Variants in FAM177A1 observed in about 807,000 individuals in gnomAD.
The protein encoded by FAM177A1 is protein FAM177A1.
A neutral mutation model predicts 26.1 loss-of-function variants in FAM177A1; 22 were observed. The ratio of observed to expected loss-of-function variants is 0.84; its 90% CI spans 0.60 to 1.20. The LOEUF (loss-of-function observed/expected upper bound fraction) is 1.20, where lower values mean the gene tolerates loss of function less well. Ranked by LOEUF, FAM177A1 falls within the 50% of genes most tolerant of loss-of-function variation. FAM177A1 has a pLI of 0.00. For synonymous variants in FAM177A1, 95 were observed against 99.3 expected (o/e 0.96, Z 0.26); for missense variants, 296 against 291.1 (o/e 1.02, Z -0.12).
intron 2 of FAM177A1, among the ~76,000 whole-genome samples, chr14:35,069,174 A>T (rs543920565): frequency 1.9e-3 from 284 of 152,160 alleles, no homozygotes; most frequent in African/African-American, 6.2e-3. Flanking sequence ...AATTAAAAAA[A>T]TTTTTTTAAA....
intron 2 of FAM177A1, among the ~76,000 whole-genome samples, chr14:35,065,631 C>T (rs1003016057): frequency 6.6e-6 from 1 of 151,394 alleles, no homozygotes; most frequent in Non-Finnish European, 1.5e-5. Context: ...CTTCCACCAG[C>T]AATAGATGGC....
Position 35,046,302 on chromosome 14 carries a change from G to C in FAM177A1, c.-162G>C, listed in dbSNP as rs1411556884. ...GCAGTTGGCCAGCTCTCGGGGTGCG[G>C]AGCCCGGCGGGCTAGGCGAGGCGCG... On this transcript the variant is annotated 5_prime_UTR_variant, in exon 1 of 5. Coordinates refer to ENST00000280987, the MANE Select transcript of FAM177A1 (RefSeq NM_173607.5). 1.2e-6 allele frequency: 1 copy of C among 803,594 alleles called. No individual in the cohort carries two copies. The highest frequency in any genetic ancestry group is 1.8e-6 in the Non-Finnish European group (1 of 561,226). The allele number at this position is 803,594 out of a possible 1,614,324, so 49.8% of individuals were successfully genotyped here. A position where few individuals can be genotyped will look rare whatever the true frequency, so the allele number is the denominator to read the frequency against.
intron 1 of FAM177A1, among the ~76,000 whole-genome samples, chr14:35,049,397 T>C (rs2044927600): frequency 6.6e-6 from 1 of 152,104 alleles, no homozygotes; most frequent in African/African-American, 2.4e-5. Flanking sequence ...AATAGCCTAG[T>C]TGGGGAAGAT....
At position 35,046,448 on chromosome 14, in the gene FAM177A1, G is replaced by A. The variant is rs1316482498; in HGVS notation, c.-16G>A. ...GACAGCCTGGCTCGGCCAGCGACTG[G>A]GCGGGGAGACCAAGGATGGAAGTGG... On this transcript the variant is annotated 5_prime_UTR_variant, in exon 1 of 5. Coordinates refer to ENST00000280987, the MANE Select transcript of FAM177A1 (RefSeq NM_173607.5). 1.9e-6 allele frequency: 3 copies of A among 1,544,770 alleles called. No individual in the cohort carries two copies. The highest frequency in any genetic ancestry group is 2.6e-6 in the Non-Finnish European group (3 of 1,142,224).
chr14:35,048,708 G>A (rs1198184653), intron 1 of FAM177A1, among the ~76,000 whole-genome samples: 1 of 151,948 alleles, frequency 6.6e-6, no homozygotes, highest in African/African-American at 2.4e-5. Context: ...TGCCCAGGGG[G>A]TTGAGCACAG....
At position 35,082,607 on chromosome 14, in the gene FAM177A1, CAT is replaced by C. The variant is rs1438299760; in HGVS notation, c.*1380_*1381del. The C allele has an allele frequency of 6.6e-6, 1 of 151,912 alleles. No homozygotes were observed. The highest frequency in any genetic ancestry group is 2.4e-5 in the African/African-American group (1 of 41,294). 9.4% of individuals were successfully genotyped at this position (151,912 alleles called of 1,614,324 possible). ...TGTATAGAACCTTTTATCAGTATAA[CAT>C]TGATTTATAATTAAATGTGGGTGAG... On this transcript the variant is annotated 3_prime_UTR_variant, in exon 5 of 5. Coordinates refer to ENST00000280987, the MANE Select transcript of FAM177A1 (RefSeq NM_173607.5).
chr14:35,046,482 G>C lies in FAM177A1; in HGVS notation c.19G>C (p.Ala7Pro). MEVGLP[A>P]ITLFLTSASS... ...ACCAAGGATGGAAGTGGGCTTACCG[G>C]CCATTACCCTCTTTCTCACCAGCGC... is the stretch of plus-strand genomic sequence containing the variant. The change falls in exon 1 of 5, where the codon GCC becomes CCC. Residue 7 changes from alanine (A) to proline (P), a missense_variant. Transcript: ENST00000280987. 6.3e-7 allele frequency: 1 copy of C among 1,596,364 alleles called. No individual in the cohort carries two copies. The highest frequency in any genetic ancestry group is 8.5e-7 in the Non-Finnish European group (1 of 1,172,780).
chr14:35,061,695 A>G (rs1313462706), intron 2 of FAM177A1, among the ~76,000 whole-genome samples: 2 of 150,800 alleles, frequency 1.3e-5, no homozygotes, highest in African/African-American at 4.9e-5. Flanking sequence ...GCACACCAGC[A>G]TGGCACATGT....
chr14:35,056,407 G>A (rs1344565556), intron 2 of FAM177A1, among the ~76,000 whole-genome samples: 1 of 149,100 alleles, frequency 6.7e-6, no homozygotes, highest in Non-Finnish European at 1.5e-5. Flanking sequence ...CCAGGCTAGA[G>A]TGCGGTGGTA....
intron 2 of FAM177A1, among the ~76,000 whole-genome samples, chr14:35,065,355 ATCT>A (rs759788657): frequency 7.4e-6 from 1 of 135,248 alleles, no homozygotes; most frequent in Non-Finnish European, 1.5e-5. Flanking sequence ...TTTCCATTGA[ATCT>A]TTTTTTTTTT....
chr14:35,048,301 C>T (rs2044907182), intron 1 of FAM177A1, among the ~76,000 whole-genome samples: 3 of 152,130 alleles, frequency 2.0e-5, no homozygotes, highest in Admixed American at 2.0e-4. Flanking sequence ...GCAAAGTAAA[C>T]ACACGTGTAC....
intron 2 of FAM177A1, among the ~76,000 whole-genome samples, chr14:35,073,819 C>A (rs2138564694): frequency 6.6e-6 from 1 of 152,252 alleles, no homozygotes; most frequent in East Asian, 1.9e-4. Context: ...GCCTTGAATC[C>A]TGGTGCTTGC....
In FAM177A1 at chr14:35,081,070, C is replaced by T; in HGVS notation, c.553C>T (p.Gln185Ter). Residue 185 changes from glutamine (Q) to a stop codon, truncating the protein, a stop_gained, in exon 5 of 5, where the codon CAA (glutamine) becomes TAA (stop). Coordinates refer to ENST00000280987, the MANE Select transcript of FAM177A1 (RefSeq NM_173607.5). LOFTEE classifies it high-confidence loss of function. Reference protein sequence around the residue: ...ENRMSEEAEKQYQQNKLQTDS... With the variant: ...ENRMSEEAEK ...CAGGATGTCTGAAGAAGCAGAAAAACAATATCAACAGAATAAATTGCAGAC... is the reference window on the plus strand; with the variant it reads ...CAGGATGTCTGAAGAAGCAGAAAAATAATATCAACAGAATAAATTGCAGAC... 6.2e-7 allele frequency: 1 copy of T among 1,612,414 alleles called. No homozygotes were observed. Among genetic ancestry groups the T allele is most frequent in the Non-Finnish European group, 8.5e-7 (1 of 1,179,444 alleles).
At position 35,081,240 on chromosome 14, in the gene FAM177A1, T is replaced by C; in HGVS notation, c.*12T>C. 6.3e-7 allele frequency: 1 copy of C among 1,594,786 alleles called. No homozygotes were observed. The highest frequency in any genetic ancestry group is 1.4e-5 in the African/African-American group (1 of 73,534). ...CTGTCCCACCATAAAATGAAATGAC[T>C]ATCAAGCTTCAAACTCTTAAGTTTT... On this transcript the variant is annotated 3_prime_UTR_variant, in exon 5 of 5. Coordinates refer to ENST00000280987, the MANE Select transcript of FAM177A1 (RefSeq NM_173607.5).
At chr14:35,064,301 C>G (rs2045205835) in intron 2 of FAM177A1, among the ~76,000 whole-genome samples, 1 of 152,072 alleles carries the variant, frequency 6.6e-6, no homozygotes, top group African/African-American at 2.4e-5. Flanking sequence ...GCAGGAGAAT[C>G]CCTTGAACCT....
At position 35,046,376 on chromosome 14, in the gene FAM177A1, C is replaced by T; in HGVS notation, c.-88C>T. ...GCGAGTCCCCTTCTCAGAGACTTGGCTAGGCGCGGCGCGAGGCGGGCGCTG... is the reference window on the plus strand; with the variant it reads ...GCGAGTCCCCTTCTCAGAGACTTGGTTAGGCGCGGCGCGAGGCGGGCGCTG... On this transcript the variant is annotated 5_prime_UTR_variant, in exon 1 of 5. Transcript: ENST00000280987. 4 of 1,350,438 alleles carry T rather than the reference C, an allele frequency of 3.0e-6. No homozygotes were observed. The highest frequency in any genetic ancestry group is 3.9e-6 in the Non-Finnish European group (4 of 1,037,798). The allele number at this position is 1,350,438 out of a possible 1,614,324, so 83.7% of individuals were successfully genotyped here. A position where few individuals can be genotyped will look rare whatever the true frequency, so the allele number is the denominator to read the frequency against.
chr14:35,074,148 T>G (rs947982384), intron 2 of FAM177A1, among the ~76,000 whole-genome samples: 1 of 152,116 alleles, frequency 6.6e-6, no homozygotes, highest in African/African-American at 2.4e-5. Context: ...GGGAGTTTAT[T>G]TATTTATTTT....
chr14:35,046,526 G>T lies in FAM177A1; in HGVS notation c.63G>T (p.Ala21=), dbSNP rs577501612. ...CCAGCGCCAGCAGCCCTGTGGTGGC[G>T]ACGACGATGGACCAGGAGCCAGTGG... ...FLTSASSPVV[A]TTMDQEPVGG... is the part of the protein sequence containing the mutation. The change falls in exon 1 of 5, where the codon GCG becomes GCT. Residue 21 remains alanine, a synonymous_variant. Coordinates refer to ENST00000280987, the MANE Select transcript of FAM177A1 (RefSeq NM_173607.5). 11 of 1,602,916 alleles carry T rather than the reference G, an allele frequency of 6.9e-6. No homozygotes were observed. The African/African-American group carries it at 1.3e-4, about 20-fold the overall frequency.
chr14:35,046,922 C>G (rs2044876926), intron 1 of FAM177A1: 7 of 1,198,090 alleles, frequency 5.8e-6, no homozygotes, highest in Non-Finnish European at 5.2e-6. Context: ...GGCGTGTCCC[C>G]CAAAGGCTGT....
Sources: allele counts gnomAD v4.1 joint callset (sites outside exome capture counted in the v4.1 genomes callset), GRCh38; gene constraint gnomAD v4.1.1; transcripts MANE v1.5; gene names NCBI Gene and HGNC (gene_info 2026-07-23, HGNC 2026-07-21).